Variants in FBXL17 observed in about 807,000 individuals in gnomAD.
FBXL17 encodes F-box/LRR-repeat protein 17.
In FBXL17, 22 loss-of-function variants were observed where a neutral mutation model predicts 66.2. The observed-to-expected ratio is 0.33, with a 90% CI of 0.24 to 0.47. The LOEUF (loss-of-function observed/expected upper bound fraction) is 0.47. Ranked by LOEUF, FBXL17 falls within the 20% of genes least tolerant of loss-of-function variation. The pLI is 1.00. For missense variants in FBXL17, 878 were observed against 948.2 expected (o/e 0.93, Z 0.97); for synonymous variants, 474 against 400.5 (o/e 1.18, Z -2.19).
At chr5:108,200,594 T>C (rs1423560773) in intron 5 of FBXL17, among the ~76,000 whole-genome samples, 2 of 151,866 alleles carry the variant, frequency 1.3e-5, no homozygotes, top group Admixed American at 1.3e-4. Context: ...AGATTGATAG[T>C]CAATTGCATG....
intron 6 of FBXL17, among the ~76,000 whole-genome samples, chr5:108,145,906 G>A (rs1751536157): frequency 6.6e-6 from 1 of 151,554 alleles, no homozygotes; most frequent in Non-Finnish European, 1.5e-5. Flanking sequence ...TGCACAAGAC[G>A]GCAGTGATCA....
chr5:108,311,067 G>A (rs141751273), intron 4 of FBXL17, among the ~76,000 whole-genome samples: 256 of 152,310 alleles, frequency 1.7e-3, no homozygotes, highest in African/African-American at 5.9e-3. Context: ...AAAAGGGAAT[G>A]AGGGAAAAGT....
chr5:108,010,794 A>G (rs1046719551), intron 7 of FBXL17, among the ~76,000 whole-genome samples: 1 of 152,220 alleles, frequency 6.6e-6, no homozygotes, highest in Non-Finnish European at 1.5e-5. Context: ...TGGATCACTG[A>G]GTTTAAAATG....
At chr5:108,083,484 T>C (rs1278675720) in intron 6 of FBXL17, among the ~76,000 whole-genome samples, 1 of 152,022 alleles carries the variant, frequency 6.6e-6, no homozygotes, top group Admixed American at 6.6e-5. Flanking sequence ...CAGTGCAACC[T>C]CCGCCACCCA....
chr5:107,953,930 C>A (rs540731123), intron 7 of FBXL17, among the ~76,000 whole-genome samples: 72 of 152,306 alleles, frequency 4.7e-4, no homozygotes, highest in African/African-American at 1.6e-3. Context: ...TATTTTGATA[C>A]TTAATCATAT....
intron 5 of FBXL17, among the ~76,000 whole-genome samples, chr5:108,194,729 T>C (rs1253728549): frequency 6.6e-6 from 1 of 152,180 alleles, no homozygotes; most frequent in African/African-American, 2.4e-5. Context: ...TCACATTCAT[T>C]TAAATGTTTC....
intron 4 of FBXL17, among the ~76,000 whole-genome samples, chr5:108,244,240 C>G (rs1367675993): frequency 6.6e-6 from 1 of 152,120 alleles, no homozygotes; most frequent in African/African-American, 2.4e-5. Flanking sequence ...CCTTTCTTAA[C>G]TGGCTGGTCA....
intron 5 of FBXL17, among the ~76,000 whole-genome samples, chr5:108,220,786 A>G (rs1468302963): frequency 3.3e-5 from 5 of 152,108 alleles, no homozygotes; most frequent in Non-Finnish European, 2.9e-5. Flanking sequence ...AGGTAACTAT[A>G]TATTTGCATT....
intron 3 of FBXL17, among the ~76,000 whole-genome samples, chr5:108,358,447 T>G (rs1246296183): frequency 1.3e-5 from 2 of 150,710 alleles, no homozygotes; most frequent in Non-Finnish European, 3.0e-5. Flanking sequence ...AGATGACTGG[T>G]TTTTTTTTCC....
intron 7 of FBXL17, among the ~76,000 whole-genome samples, chr5:107,925,904 G>A (rs1334127520): frequency 1.3e-5 from 2 of 152,098 alleles, no homozygotes; most frequent in African/African-American, 4.8e-5. Context: ...CTAAAAGAAG[G>A]GTTTCATGCT....
chr5:108,204,286 C>A (rs1754020823), intron 5 of FBXL17, among the ~76,000 whole-genome samples: 1 of 152,120 alleles, frequency 6.6e-6, no homozygotes, highest in African/African-American at 2.4e-5. Context: ...AATTCCTGGG[C>A]TCAAGCAATC....
intron 8 of FBXL17, among the ~76,000 whole-genome samples, chr5:107,873,075 A>G (rs1489906461): frequency 1.3e-5 from 2 of 152,232 alleles, no homozygotes; most frequent in African/African-American, 2.4e-5. Flanking sequence ...GAAATAGATC[A>G]TAACAGGTGG....
At chr5:108,212,886 C>A (rs749417956) in intron 5 of FBXL17, among the ~76,000 whole-genome samples, 1 of 152,200 alleles carries the variant, frequency 6.6e-6, no homozygotes, top group African/African-American at 2.4e-5. Context: ...CAGGCAGGAA[C>A]ATTTAAGTCT....
rs562483289 is a variant in FBXL17 at position 108,050,292 on chromosome 5, T to C, written c.1746-29291A>G. Among the ~76,000 whole-genome samples the C allele has an allele frequency of 3.9e-5, 6 of 152,332 alleles. No individual in the cohort carries two copies. In the South Asian group the frequency reaches 1.2e-3, roughly 32 times the overall value. On this transcript the variant is annotated intron_variant, in intron 6 of 8. Transcript: ENST00000542267. ...TGTTAGTGCCACATGGCACTTATTCTAAAATCGACCACAAATTGGAAGTAA... is the reference window on the plus strand; with the variant it reads ...TGTTAGTGCCACATGGCACTTATTCCAAAATCGACCACAAATTGGAAGTAA...
At chr5:107,976,685 T>C (rs976040656) in intron 7 of FBXL17, among the ~76,000 whole-genome samples, 1 of 152,226 alleles carries the variant, frequency 6.6e-6, no homozygotes, top group African/African-American at 2.4e-5. Context: ...TTTTTAAAAA[T>C]GCTTTAATGA....
At chr5:108,126,631 G>GTC (rs140769664) in intron 6 of FBXL17, among the ~76,000 whole-genome samples, 11 of 112,578 alleles carry the variant, frequency 9.8e-5, no homozygotes, top group Non-Finnish European at 1.3e-4. Flanking sequence ...CTGTCTCTCT[G>GTC]TCTCTCTCTC....
intron 5 of FBXL17, among the ~76,000 whole-genome samples, chr5:108,222,182 T>A (rs1164896125): frequency 6.6e-6 from 1 of 152,236 alleles, no homozygotes; most frequent in African/African-American, 2.4e-5. Flanking sequence ...CAGTGTACCA[T>A]AATTTTTGGC....
intron 4 of FBXL17, among the ~76,000 whole-genome samples, chr5:108,279,055 C>A (rs994843925): frequency 1.3e-5 from 2 of 152,166 alleles, no homozygotes; most frequent in African/African-American, 4.8e-5. Context: ...GGCCTGGAAG[C>A]CAGCCTGCAC....
chr5:108,091,912 T>C (rs1438572211), intron 6 of FBXL17, among the ~76,000 whole-genome samples: 1 of 152,206 alleles, frequency 6.6e-6, no homozygotes, highest in Non-Finnish European at 1.5e-5. Flanking sequence ...GATAGCAAAA[T>C]GAAATATTTA....
Sources: gnomAD v4.1 joint callset for allele counts (sites outside exome capture counted in the v4.1 genomes callset) on GRCh38, gnomAD v4.1.1 for gene constraint, MANE v1.5 for transcripts, NCBI Gene and HGNC (gene_info 2026-07-23, HGNC 2026-07-21) for gene names.